PREX1: variants seen among roughly 807,000 people sequenced by gnomAD.
PREX1 encodes phosphatidylinositol 3,4,5-trisphosphate-dependent Rac exchanger 1 protein.
PREX1 carries 41 observed loss-of-function variants against 198.3 expected under a neutral mutation model. The ratio of observed to expected loss-of-function variants is 0.21; its 90% confidence interval spans 0.16 to 0.27. The LOEUF (loss-of-function observed/expected upper bound fraction) is 0.27, where lower values mean the gene tolerates loss of function less well. Ranked by LOEUF, PREX1 falls within the 10% of genes least tolerant of loss-of-function variation. The pLI is 1.00. For synonymous variants in PREX1, 843 were observed against 887.2 expected (o/e 0.95, Z 0.89); for missense variants, 1,620 against 2,200.7 (o/e 0.74, Z 5.28).
At chr20:48,743,229 C>T (rs1168611451) in intron 3 of PREX1, among the ~76,000 whole-genome samples, 1 of 152,164 alleles carries the variant, frequency 6.6e-6, no homozygotes, top group East Asian at 1.9e-4. Context: ...GGGATTTGAA[C>T]GTTGGCTGTT....
intron 9 of PREX1, among the ~76,000 whole-genome samples, chr20:48,690,480 A>AC (rs1321033361): frequency 6.9e-6 from 1 of 144,030 alleles, no homozygotes; most frequent in Non-Finnish European, 1.5e-5. Context: ...TTGCACGCCC[A>AC]CCCCCAAGCC....
At chr20:48,731,439 T>C (rs2090034340) in intron 4 of PREX1, among the ~76,000 whole-genome samples, 1 of 152,270 alleles carries the variant, frequency 6.6e-6, no homozygotes, top group South Asian at 2.1e-4. Flanking sequence ...TAAGGACTTT[T>C]CTTGCCTTGT....
At chr20:48,803,169 A>G (rs1337327740) in intron 1 of PREX1, among the ~76,000 whole-genome samples, 1 of 152,218 alleles carries the variant, frequency 6.6e-6, no homozygotes, top group Non-Finnish European at 1.5e-5. Context: ...TGGCTGGTTC[A>G]GGGCATCCCT....
intron 1 of PREX1, among the ~76,000 whole-genome samples, chr20:48,797,132 G>A (rs1488355108): frequency 1.3e-5 from 2 of 152,000 alleles, no homozygotes; most frequent in Non-Finnish European, 1.5e-5. Flanking sequence ...ACTGATCACG[G>A]TGGAAAGCAT....
At chr20:48,747,117 G>A (rs1272754274) in intron 2 of PREX1, among the ~76,000 whole-genome samples, 1 of 151,220 alleles carries the variant, frequency 6.6e-6, no homozygotes, top group Non-Finnish European at 1.5e-5. Flanking sequence ...CAACATGCAA[G>A]GCCACCGTCC....
chr20:48,716,266 A>G (rs1035467845), intron 5 of PREX1, among the ~76,000 whole-genome samples: 3 of 152,136 alleles, frequency 2.0e-5, no homozygotes, highest in African/African-American at 7.2e-5. Context: ...TGGCGCAGAG[A>G]AGCCTGGGCT....
chr20:48,854,806 C>T, the PREX1 span, among the ~76,000 whole-genome samples: 1 of 152,218 alleles, frequency 6.6e-6, no homozygotes, highest in Non-Finnish European at 1.5e-5. Context: ...CGCTCTTAAC[C>T]TCTCAGCTAC....
intron 7 of PREX1, among the ~76,000 whole-genome samples, chr20:48,694,161 C>A (rs933500724): frequency 2.0e-5 from 3 of 152,162 alleles, no homozygotes; most frequent in Admixed American, 6.5e-5. Flanking sequence ...ATCCACCCCC[C>A]TCGGCCTCCC....
intron 3 of PREX1, among the ~76,000 whole-genome samples, chr20:48,743,086 C>G (rs914482453): frequency 3.3e-5 from 5 of 152,148 alleles, no homozygotes; most frequent in African/African-American, 9.7e-5. Context: ...TGGTGCTGAG[C>G]CAGGTCATTC....
intron 14 of PREX1, among the ~76,000 whole-genome samples, chr20:48,670,299 T>TCTGCCCCTGCCC (rs57096004): frequency 0.21 from 29,721 of 144,750 alleles, 3,016 homozygotes; most frequent in Middle Eastern, 0.32. Context: ...CCAACCCCTC[T>TCTGCCCCTGCCC]CTGCCCCTGC....
chr20:48,705,886 ACAAACTTACTCGAGGCAGGG>A (rs2089900597), intron 6 of PREX1, among the ~76,000 whole-genome samples: 1 of 152,220 alleles, frequency 6.6e-6, no homozygotes, highest in African/African-American at 2.4e-5. Flanking sequence ...ACCAGGCAGG[ACAAACTTACTCGAGGCAGGG>A]CAAACTTACT....
chr20:48,763,075 G>A (rs755631656), intron 1 of PREX1, among the ~76,000 whole-genome samples: 34 of 152,206 alleles, frequency 2.2e-4, no homozygotes, highest in Non-Finnish European at 3.5e-4. Flanking sequence ...TGAATATACC[G>A]AAAACCATTC....
In PREX1 at chr20:48,687,056, C is replaced by A. The variant is rs151303864; in HGVS notation, c.1334+1601G>T. On this transcript the variant is annotated intron_variant, in intron 10 of 39. Transcript: ENST00000371941. ...CAGCTCCACTCAGAGGTCTCTGCCCCCTCCTCCTTCCAATGCCATCATCGG... is the reference window on the plus strand; with the variant it reads ...CAGCTCCACTCAGAGGTCTCTGCCCACTCCTCCTTCCAATGCCATCATCGG... Among the ~76,000 whole-genome samples, 1,126 of 152,254 alleles carry A rather than the reference C, an allele frequency of 7.4e-3. 10 individuals carry two copies. Among genetic ancestry groups the A allele is most frequent in the South Asian group, 0.028 (137 of 4,824 alleles).
chr20:48,811,853 T>A (rs2090438061), intron 1 of PREX1, among the ~76,000 whole-genome samples: 1 of 152,210 alleles, frequency 6.6e-6, no homozygotes, highest in African/African-American at 2.4e-5. Context: ...TAAACCTCCC[T>A]CTCTGTCCTC....
At chr20:48,828,051 A>G (rs1473619170), upstream of PREX1, among the ~76,000 whole-genome samples, 2 of 137,808 alleles carry the variant, frequency 1.5e-5, no homozygotes, top group Non-Finnish European at 3.2e-5. Context: ...GGGCCGGGCG[A>G]GGGGCGGGAG....
intron 2 of PREX1, among the ~76,000 whole-genome samples, chr20:48,747,124 G>A (rs529986768): frequency 6.6e-6 from 1 of 150,722 alleles, no homozygotes; most frequent in Admixed American, 6.6e-5. Flanking sequence ...CAAGGCCACC[G>A]TCCAGATTAA....
rs1289988306 is a variant in PREX1, at chr20:48,649,425, T to G, written c.3180A>C (p.Glu1060Asp). Residue 1060 changes from glutamate to aspartate, a missense_variant, in exon 25 of 40, where the codon GAA (glutamate) becomes GAC (aspartate). Coordinates refer to ENST00000371941, the MANE Select transcript of PREX1 (RefSeq NM_020820.4). Reference sequence around the variant, plus strand: ...TGAGTAGGAAGCTGAGGCCCCGGTCTTCCTGACCAAGGGTCCCACTGGCTG... The same window carrying G: ...TGAGTAGGAAGCTGAGGCCCCGGTCGTCCTGACCAAGGGTCCCACTGGCTG... ...FGPASGTLGQEDRGLSFLLKQ... is the reference protein window; with the variant it reads ...FGPASGTLGQDDRGLSFLLKQ... The G allele has an allele frequency of 6.2e-7, 1 of 1,614,174 alleles. No homozygotes were observed. The highest frequency in any genetic ancestry group is 1.1e-5 in the South Asian group (1 of 91,088).
intron 4 of PREX1, 37 bp downstream of exon 4, chr20:48,734,509 A>G (rs770537996): frequency 6.4e-7 from 1 of 1,557,680 alleles, no homozygotes; most frequent in Non-Finnish European, 8.9e-7. Context: ...GATGAGGCCG[A>G]GTGCAAGGGA....
the PREX1 span, among the ~76,000 whole-genome samples, chr20:48,841,311 A>G: frequency 1.3e-5 from 2 of 152,244 alleles, no homozygotes; most frequent in African/African-American, 4.8e-5. Context: ...TTTGCAAGTC[A>G]TACAGTATCT....
Sources: allele counts gnomAD v4.1 joint callset (sites outside exome capture counted in the v4.1 genomes callset), GRCh38; gene constraint gnomAD v4.1.1; transcripts MANE v1.5; gene names NCBI Gene and HGNC (gene_info 2026-07-23, HGNC 2026-07-21).